Variants in PLAAT3 observed in about 807,000 individuals in gnomAD.
The protein encoded by PLAAT3 is phospholipase A and acyltransferase 3.
PLAAT3 carries 21 observed loss-of-function variants against 16.7 expected under a neutral mutation model. The observed-to-expected ratio is 1.26, with a 90% CI of 0.89 to 1.81. PLAAT3 has a LOEUF of 1.81. Ranked by LOEUF, PLAAT3 falls within the 40% of genes most tolerant of loss-of-function variation. The pLI is 0.00. For missense variants in PLAAT3, 219 were observed against 213.7 expected, an observed-to-expected ratio of 1.02 and a Z score of -0.16; for synonymous variants, 76 against 81.7, an observed-to-expected ratio of 0.93 and a Z score of 0.38.
At chr11:63,602,016 A>G (rs1333529334) in intron 2 of PLAAT3, among the ~76,000 whole-genome samples, 1 of 150,300 alleles carries the variant, frequency 6.7e-6, no homozygotes, top group Non-Finnish European at 1.5e-5. Flanking sequence ...GGCCAGGCAC[A>G]GTGGCTCATA....
At chr11:63,594,900 T>G in intron 3 of PLAAT3, among the ~76,000 whole-genome samples, 2 of 145,096 alleles carry the variant, frequency 1.4e-5, no homozygotes, top group African/African-American at 5.1e-5. Flanking sequence ...GGGGTGGGGG[T>G]ACATGGGTAA....
Position 63,590,311 on chromosome 11 carries a change from A to G in PLAAT3, c.176T>C (p.Ile59Thr). Reference protein sequence around the residue: ...SVMSALTDKAIVKKELLYDVA... With the variant: ...SVMSALTDKATVKKELLYDVA... Reference sequence around the variant, plus strand: ...ATCATACAGCAATTCCTTCTTCACGATGGCCTTGTCAGTCAGGGCGGACAT... The same window carrying G: ...ATCATACAGCAATTCCTTCTTCACGGTGGCCTTGTCAGTCAGGGCGGACAT... The change falls in exon 4 of 5, where the codon ATC becomes ACC. Residue 59 changes from isoleucine (I) to threonine (T), a missense_variant. By Grantham distance (89) the Ile-to-Thr change is moderately conservative. Transcript: ENST00000415826. 6.2e-7 allele frequency: 1 copy of G among 1,614,132 alleles called. No homozygotes were observed. Among genetic ancestry groups the G allele is most frequent in the Non-Finnish European group, 8.5e-7 (1 of 1,179,992 alleles).
chr11:63,579,815 A>G (rs1937747685), intron 4 of PLAAT3, among the ~76,000 whole-genome samples: 1 of 149,930 alleles, frequency 6.7e-6, no homozygotes, highest in South Asian at 2.2e-4. Context: ...TGGCACATGT[A>G]TACATATGTA....
At position 63,574,733 on chromosome 11, in the gene PLAAT3, C is replaced by T; in HGVS notation, c.*212G>A. ...GAAAGACAATCCCTGACCAGGAAGA[C>T]AGCCCGGCTGTTCCCTGAACAGACT... On this transcript the variant is annotated 3_prime_UTR_variant, in exon 5 of 5. Transcript: ENST00000415826. 1 of 551,036 alleles carries T rather than the reference C, an allele frequency of 1.8e-6. No individual in the cohort carries two copies. Among genetic ancestry groups the T allele is most frequent in the South Asian group, 2.3e-5 (1 of 43,074 alleles). The allele number at this position is 551,036 out of a possible 1,614,324, so 34.1% of individuals were successfully genotyped here.
In PLAAT3 at chr11:63,583,739, G is replaced by A. The variant is rs77498842; in HGVS notation, c.387+6361C>T. On this transcript the variant is annotated intron_variant, in intron 4 of 4. Coordinates refer to ENST00000415826, the MANE Select transcript of PLAAT3 (RefSeq NM_001128203.2). Reference sequence around the variant, plus strand: ...GGTGTGTGTCACAGGTCTTAAATCAGGATATCAGGATATTGTGAAAGAGAA... The same window carrying A: ...GGTGTGTGTCACAGGTCTTAAATCAAGATATCAGGATATTGTGAAAGAGAA... Among the ~76,000 whole-genome samples, 1,133 of 152,246 alleles carry A rather than the reference G, an allele frequency of 7.4e-3. 16 individuals are homozygous for A. Among genetic ancestry groups the A allele is most frequent in the African/African-American group, 0.025 (1,046 of 41,548 alleles).
intron 3 of PLAAT3, among the ~76,000 whole-genome samples, chr11:63,591,545 G>A (rs762759479): frequency 6.6e-6 from 1 of 152,160 alleles, no homozygotes; most frequent in Non-Finnish European, 1.5e-5. Flanking sequence ...GTTAAACTGG[G>A]TAGGACCAGT....
intron 2 of PLAAT3, among the ~76,000 whole-genome samples, chr11:63,611,049 T>C (rs1233049863): frequency 6.6e-6 from 1 of 152,138 alleles, no homozygotes; most frequent in Admixed American, 6.5e-5. Flanking sequence ...CCTTCCCCAC[T>C]GTAGACAAAT....
upstream of PLAAT3, among the ~76,000 whole-genome samples, chr11:63,616,145 A>G (rs1161865433): frequency 6.6e-6 from 1 of 152,130 alleles, no homozygotes; most frequent in Non-Finnish European, 1.5e-5. Context: ...AACATAGTAC[A>G]TTGTTATTTA....
chr11:63,592,825 C>A (rs1938186788), intron 3 of PLAAT3, among the ~76,000 whole-genome samples: 1 of 152,240 alleles, frequency 6.6e-6, no homozygotes, highest in African/African-American at 2.4e-5. Flanking sequence ...AGGACAGGCA[C>A]TTCAGCAAGT....
At chr11:63,605,014 T>A (rs867717067) in intron 2 of PLAAT3, among the ~76,000 whole-genome samples, 46 of 152,172 alleles carry the variant, frequency 3.0e-4, no homozygotes, top group African/African-American at 1.0e-3. Context: ...CCTTCTATTT[T>A]TCTATATATT....
In PLAAT3 at chr11:63,574,818, T is replaced by C; in HGVS notation, c.*127A>G. ...TAAAATCCTCCCTCGTTTTGCTTTA[T>C]TTTATTCTGTGAAAATAAGCCTTAT... On this transcript the variant is annotated 3_prime_UTR_variant, in exon 5 of 5. Coordinates refer to ENST00000415826, the MANE Select transcript of PLAAT3 (RefSeq NM_001128203.2). 2 of 658,000 alleles carry C rather than the reference T, an allele frequency of 3.0e-6. No homozygotes were observed. Among genetic ancestry groups the C allele is most frequent in the South Asian group, 3.6e-5 (2 of 55,126 alleles). 40.8% of individuals were successfully genotyped at this position (658,000 alleles called of 1,614,324 possible).
chr11:63,591,820 C>T (rs1328818324), intron 3 of PLAAT3, among the ~76,000 whole-genome samples: 1 of 152,238 alleles, frequency 6.6e-6, no homozygotes, highest in Non-Finnish European at 1.5e-5. Flanking sequence ...TCCTGGGGCC[C>T]ACCCAGCCTC....
intron 2 of PLAAT3, among the ~76,000 whole-genome samples, chr11:63,602,095 C>T (rs1472076413): frequency 6.6e-6 from 1 of 151,664 alleles, no homozygotes; most frequent in Admixed American, 6.6e-5. Context: ...TGAGACGAGC[C>T]TGGCCAATAT....
intron 2 of PLAAT3, among the ~76,000 whole-genome samples, chr11:63,601,218 C>G (rs1349142690): frequency 6.6e-6 from 1 of 151,186 alleles, no homozygotes; most frequent in Non-Finnish European, 1.5e-5. Flanking sequence ...CCACATCCGG[C>G]TATTTTTTTG....
chr11:63,615,226 A>G (rs867456915), upstream of PLAAT3, among the ~76,000 whole-genome samples: 7 of 45,160 alleles, frequency 1.6e-4, 1 homozygote, highest in African/African-American at 4.0e-4. Context: ...ATGTGTATAT[A>G]TGTGTATATA....
chr11:63,615,017 A>AATATATATATATATATATATATAT, upstream of PLAAT3, among the ~76,000 whole-genome samples: 56 of 17,510 alleles, frequency 3.2e-3, 7 homozygotes, highest in South Asian at 0.021. Context: ...TCAGTCTCAA[A>AATATATATATATATATATATATAT]ATATATATAT....
At chr11:63,579,967 A>C (rs950714490) in intron 4 of PLAAT3, among the ~76,000 whole-genome samples, 11 of 152,256 alleles carry the variant, frequency 7.2e-5, no homozygotes, top group Non-Finnish European at 1.0e-4. Flanking sequence ...ACCCAGACAA[A>C]GTATCAAATC....
rs143979940 is a variant in PLAAT3, at chr11:63,596,879, C to T, written c.118+1182G>A. On this transcript the variant is annotated intron_variant, in intron 3 of 4. Transcript: ENST00000415826. ...GGGAGGCTGAGGCAGGTGGATCTCC[C>T]GAGGTCCAGAGTTCAAGACCAGCCT... Among the ~76,000 whole-genome samples the T allele has an allele frequency of 9.4e-3, 1,419 of 150,268 alleles. 27 individuals carry two copies. Among genetic ancestry groups the T allele is most frequent in the African/African-American group, 0.033 (1,338 of 40,932 alleles).
intron 2 of PLAAT3, 116 bp downstream of exon 2, chr11:63,613,884 G>A (rs1457924818): frequency 2.9e-6 from 2 of 689,384 alleles, no homozygotes; most frequent in Non-Finnish European, 5.1e-6. Context: ...CAGAGGTGCG[G>A]GCCCCACATC....
Sources: allele counts gnomAD v4.1 joint callset (sites outside exome capture counted in the v4.1 genomes callset), GRCh38; gene constraint gnomAD v4.1.1; transcripts MANE v1.5; gene names NCBI Gene and HGNC (gene_info 2026-07-23, HGNC 2026-07-21).